The following SLC41A2 variants were observed in gnomAD, a reference collection of about 807,000 sequenced individuals.
SLC41A2 encodes the protein solute carrier family 41 member 2.
A neutral mutation model predicts 58.3 loss-of-function variants in SLC41A2; 32 were observed. The ratio of observed to expected loss-of-function variants is 0.55; its 90% CI spans 0.41 to 0.74. The LOEUF is 0.74. SLC41A2 is among the 30% of genes least tolerant of loss of function. SLC41A2 has a pLI of 0.00. For synonymous variants in SLC41A2, 190 were observed against 235.0 expected (o/e 0.81, Z 1.75); for missense variants, 514 against 680.6 (o/e 0.76, Z 2.72).
At chr12:104,839,881 T>C (rs1170721052) in intron 10 of SLC41A2, among the ~76,000 whole-genome samples, 2 of 152,228 alleles carry the variant, frequency 1.3e-5, no homozygotes, top group Non-Finnish European at 2.9e-5. Flanking sequence ...GTTTATGTTT[T>C]TGTTTTTTCA....
intron 5 of SLC41A2, among the ~76,000 whole-genome samples, chr12:104,888,564 G>A (rs1299580907): frequency 6.6e-6 from 1 of 151,996 alleles, no homozygotes; most frequent in African/African-American, 2.4e-5. Flanking sequence ...GCTATCTTAA[G>A]TATAAGGTTA....
chr12:104,813,077 G>A (rs2041244535), intron 10 of SLC41A2, among the ~76,000 whole-genome samples: 1 of 152,104 alleles, frequency 6.6e-6, no homozygotes, highest in Non-Finnish European at 1.5e-5. Context: ...TACTTGGGAG[G>A]CTGAGGCAGG....
chr12:104,861,448 C>G (rs563550591), intron 7 of SLC41A2, 78 bp from the exon 8 acceptor site: 1 of 744,740 alleles, frequency 1.3e-6, no homozygotes, highest in Non-Finnish European at 2.1e-6. Context: ...TACAGACACC[C>G]CTCCTTTTTA....
In SLC41A2 at chr12:104,805,130, TGA is replaced by T; in HGVS notation, c.*20_*21del. On this transcript the variant is annotated 3_prime_UTR_variant, in exon 11 of 11. Coordinates refer to ENST00000258538, the MANE Select transcript of SLC41A2 (RefSeq NM_001352171.3). ...TCGTGTATTTTCTTCCTTGGTAACT[TGA>T]GAGCAGTTTGTAGAATTTATTAGTC... The T allele has an allele frequency of 6.3e-7, 1 of 1,576,068 alleles. No individual in the cohort carries two copies. Among genetic ancestry groups the T allele is most frequent in the South Asian group, 1.2e-5 (1 of 85,388 alleles).
Position 104,874,073 on chromosome 12 carries a change from G to GTT in SLC41A2, c.1028-7496_1028-7495dup, listed in dbSNP as rs529722018. Among the ~76,000 whole-genome samples, 108 of 117,598 alleles carry GTT rather than the reference G, an allele frequency of 9.2e-4. 1 individual carries two copies. Among genetic ancestry groups the GTT allele is most frequent in the African/African-American group, 1.6e-3 (50 of 30,744 alleles). The allele number at this position is 117,598 out of a possible 152,430, so 77.1% of individuals were successfully genotyped here. A position where few individuals can be genotyped will look rare whatever the true frequency, so the allele number is the denominator to read the frequency against. ...ATTTTTACTTTTGTTGCCTGAGTTT[G>GTT]TTTTTTTTTTTTTTTTTTGAGACAG... On this transcript the variant is annotated intron_variant, in intron 6 of 10. Transcript: ENST00000258538.
intron 6 of SLC41A2, among the ~76,000 whole-genome samples, chr12:104,868,466 A>C (rs553358266): frequency 6.6e-6 from 1 of 152,216 alleles, no homozygotes; most frequent in Non-Finnish European, 1.5e-5. Context: ...CCCACCCCAG[A>C]ATCACTGCCC....
chr12:104,878,423 A>G (rs531720123), intron 6 of SLC41A2, among the ~76,000 whole-genome samples: 60 of 151,650 alleles, frequency 4.0e-4, no homozygotes, highest in African/African-American at 1.2e-3. Flanking sequence ...TTAACTCATC[A>G]TTAACATTAG....
rs563550591 is a variant in SLC41A2 at position 104,861,448 on chromosome 12, C to T, written c.1176-78G>A. The T allele has an allele frequency of 1.6e-5, 12 of 744,862 alleles. No individual in the cohort carries two copies. The Admixed American group carries it at 2.0e-4, about 13-fold the overall frequency. 46.1% of individuals were successfully genotyped at this position (744,862 alleles called of 1,614,324 possible). The stretch of plus-strand genomic sequence containing the variant: ...AAGTTATTCTGTACATACAGACACC[C>T]CTCCTTTTTAAAATAAAATATTCAC... On this transcript the variant is annotated intron_variant, in intron 7 of 10. Coordinates refer to ENST00000258538, the MANE Select transcript of SLC41A2 (RefSeq NM_001352171.3).
In SLC41A2 at chr12:104,928,135, T is replaced by C. The variant is rs764530154; in HGVS notation, c.393A>G (p.Gln131=). 3.1e-6 allele frequency: 5 copies of C among 1,614,190 alleles called. No individual in the cohort carries two copies. Among genetic ancestry groups the C allele is most frequent in the Admixed American group, 3.3e-5 (2 of 60,020 alleles). The change falls in exon 2 of 11, where the codon CAA becomes CAG. Residue 131 remains glutamine (Q), a synonymous_variant. Coordinates refer to ENST00000258538, the MANE Select transcript of SLC41A2 (RefSeq NM_001352171.3). The part of the protein sequence containing the change: ...RETSETTAML[Q]DEDISSDGDE... The stretch of plus-strand genomic sequence containing the variant: ...CACCATCACTAGATATATCTTCATC[T>C]TGTAACATGGCAGTGGTTTCTGAAG...
intron 8 of SLC41A2, among the ~76,000 whole-genome samples, chr12:104,847,777 CAG>C (rs984225055): frequency 1.3e-5 from 2 of 152,088 alleles, no homozygotes; most frequent in African/African-American, 4.8e-5. Flanking sequence ...TTCTTGGAAA[CAG>C]ACTGTAAGCG....
At chr12:104,809,450 C>T (rs2041074577) in intron 10 of SLC41A2, among the ~76,000 whole-genome samples, 1 of 152,190 alleles carries the variant, frequency 6.6e-6, no homozygotes, top group Non-Finnish European at 1.5e-5. Flanking sequence ...ATGAATTTTA[C>T]ATGCCTTTGG....
chr12:104,879,083 T>C (rs1309329436), intron 6 of SLC41A2, among the ~76,000 whole-genome samples: 2 of 152,258 alleles, frequency 1.3e-5, no homozygotes, highest in East Asian at 3.8e-4. Flanking sequence ...GCATTTTTCA[T>C]GTGTCTGTTG....
chr12:104,883,266 A>G (rs546259139), intron 6 of SLC41A2, among the ~76,000 whole-genome samples: 36 of 152,232 alleles, frequency 2.4e-4, no homozygotes, highest in Non-Finnish European at 3.4e-4. Context: ...GGGTTTGAAC[A>G]TCCTCCTGTA....
chr12:104,848,581 G>A (rs1219672520), intron 8 of SLC41A2, among the ~76,000 whole-genome samples: 1 of 151,922 alleles, frequency 6.6e-6, no homozygotes, highest in Non-Finnish European at 1.5e-5. Flanking sequence ...GAATGAAAGA[G>A]AAGTCATCAC....
rs1482227634 is a variant in SLC41A2, at chr12:104,854,582, A to AC, written c.1255+6708_1255+6709insG. 4.0e-5 allele frequency among the ~76,000 whole-genome samples: 6 copies of AC among 151,374 alleles called. 1 individual carries two copies. The highest frequency in any genetic ancestry group is 1.3e-4 in the Admixed American group (2 of 15,200). On this transcript the variant is annotated intron_variant, in intron 8 of 10. Coordinates refer to ENST00000258538, the MANE Select transcript of SLC41A2 (RefSeq NM_001352171.3). ...CGTCTCAAAAAAACAAAAAAAAAAAAACACCGCCTTAGATCAGAAATTCCC... is the reference window on the plus strand; with the variant it reads ...CGTCTCAAAAAAACAAAAAAAAAAAACACACCGCCTTAGATCAGAAATTCCC...
At chr12:104,862,477 ATAACAATTGCTAAAAATACAT>A (rs1311743039) in intron 7 of SLC41A2, among the ~76,000 whole-genome samples, 2 of 152,214 alleles carry the variant, frequency 1.3e-5, no homozygotes, top group East Asian at 3.8e-4. Context: ...TGGATATAAC[ATAACAATTGCTAAAAATACAT>A]TTTTTAGATT....
rs531926344 is a variant in SLC41A2 at position 104,882,910 on chromosome 12, G to A, written c.1027+3383C>T. Among the ~76,000 whole-genome samples the A allele has an allele frequency of 3.9e-5, 6 of 152,334 alleles. No individual in the cohort carries two copies. In the East Asian group the frequency reaches 1.2e-3, roughly 29 times the overall value. ...GTTCTCCTGGATAATATCCTGAAGA[G>A]TGTTTTCCAACTTGGTTCCATTCTC... On this transcript the variant is annotated intron_variant, in intron 6 of 10. Coordinates refer to ENST00000258538, the MANE Select transcript of SLC41A2 (RefSeq NM_001352171.3).
chr12:104,911,954 A>G (rs2135790010), intron 2 of SLC41A2, among the ~76,000 whole-genome samples: 1 of 152,346 alleles, frequency 6.6e-6, no homozygotes, highest in East Asian at 1.9e-4. Flanking sequence ...ATTGGTAGCA[A>G]TGATGATAAT....
At chr12:104,909,960 G>C (rs1461525740) in intron 2 of SLC41A2, among the ~76,000 whole-genome samples, 198 bp from the exon 3 acceptor site, 1 of 152,086 alleles carries the variant, frequency 6.6e-6, no homozygotes, top group Non-Finnish European at 1.5e-5. Flanking sequence ...TTTAAAAGAT[G>C]CTGTTAGAGT....
Sources: allele counts gnomAD v4.1 joint callset (sites outside exome capture counted in the v4.1 genomes callset), GRCh38; gene constraint gnomAD v4.1.1; transcripts MANE v1.5; gene names NCBI Gene and HGNC (gene_info 2026-07-23, HGNC 2026-07-21).